CALCRL: variants seen among roughly 807,000 people sequenced by gnomAD.
CALCRL encodes calcitonin gene-related peptide type 1 receptor.
Under a neutral mutation model 60.4 loss-of-function variants are expected in CALCRL, and 27 were observed. The ratio of observed to expected loss-of-function variants is 0.45; its 90% CI spans 0.33 to 0.62. CALCRL has a LOEUF of 0.62. Among genes scored for constraint, CALCRL ranks in the 20% least tolerant of loss-of-function variants. The pLI is 0.03. For missense variants in CALCRL, 424 were observed against 540.7 expected (o/e 0.78, Z 2.14); for synonymous variants, 190 against 182.6 (o/e 1.04, Z -0.33).
chr2:187,346,779 T>C (rs905459275), intron 14 of CALCRL, among the ~76,000 whole-genome samples: 2 of 151,762 alleles, frequency 1.3e-5, no homozygotes, highest in African/African-American at 4.8e-5. Flanking sequence ...GAGAAGACAA[T>C]TCGTGACAGG....
intron 8 of CALCRL, among the ~76,000 whole-genome samples, chr2:187,377,604 A>G (rs896969265): frequency 3.3e-5 from 5 of 152,288 alleles, no homozygotes; most frequent in Admixed American, 6.5e-5. Flanking sequence ...AGAAATCCCA[A>G]GACTCTGGGA....
chr2:187,375,115 A>G (rs1008747092), intron 8 of CALCRL, among the ~76,000 whole-genome samples: 1 of 151,352 alleles, frequency 6.6e-6, no homozygotes. Flanking sequence ...TACTAAAAAT[A>G]CAAAAAATTA....
chr2:187,446,702 CAT>C (rs1367987622), intron 1 of CALCRL, among the ~76,000 whole-genome samples: 17 of 151,754 alleles, frequency 1.1e-4, no homozygotes, highest in Non-Finnish European at 2.1e-4. Flanking sequence ...CATTTCTACA[CAT>C]GTGTCAGGGA....
intron 8 of CALCRL, among the ~76,000 whole-genome samples, chr2:187,376,144 A>G (rs547089692): frequency 1.3e-5 from 2 of 152,284 alleles, no homozygotes; most frequent in East Asian, 1.9e-4. Flanking sequence ...CCTCAGGTCT[A>G]GCTATGAACC....
chr2:187,385,759 T>C, intron 3 of CALCRL, 128 bp from the exon 4 acceptor site: 1 of 618,888 alleles, frequency 1.6e-6, no homozygotes, highest in South Asian at 2.2e-5. Flanking sequence ...ATTTGATAAA[T>C]CATTTTTTTT....
intron 7 of CALCRL, among the ~76,000 whole-genome samples, chr2:187,380,192 G>A (rs1687928110): frequency 6.6e-6 from 1 of 152,016 alleles, no homozygotes; most frequent in Non-Finnish European, 1.5e-5. Flanking sequence ...CACTTTTAAG[G>A]TATGTTTTCT....
chr2:187,437,103 C>G (rs75410876), intron 1 of CALCRL, among the ~76,000 whole-genome samples: 3,280 of 152,216 alleles, frequency 0.022, 47 homozygotes, highest in Admixed American at 0.03. Flanking sequence ...GGTCAATCTC[C>G]CAAGCCTTCA....
intron 1 of CALCRL, among the ~76,000 whole-genome samples, chr2:187,438,969 A>G (rs1169742854): frequency 6.6e-6 from 1 of 152,236 alleles, no homozygotes; most frequent in Non-Finnish European, 1.5e-5. Flanking sequence ...CTCTTGAATA[A>G]TATATAAACT....
intron 10 of CALCRL, 122 bp from the exon 11 acceptor site, chr2:187,359,394 T>A: frequency 1.6e-6 from 1 of 633,436 alleles, no homozygotes; most frequent in East Asian, 2.8e-5. Flanking sequence ...AGCCACTATA[T>A]ATTTGTTGAA....
At chr2:187,390,948 C>G (rs1007381850) in intron 1 of CALCRL, among the ~76,000 whole-genome samples, 2 of 152,108 alleles carry the variant, frequency 1.3e-5, no homozygotes, top group African/African-American at 4.8e-5. Flanking sequence ...TTGCAAAGGA[C>G]CTATCAAAGT....
chr2:187,424,708 G>T (rs1421193941), intron 1 of CALCRL, among the ~76,000 whole-genome samples: 1 of 151,894 alleles, frequency 6.6e-6, no homozygotes, highest in Admixed American at 6.6e-5. Context: ...AGGAGAAATG[G>T]CAGATTTGAA....
At chr2:187,423,857 CT>C (rs1379702015) in intron 1 of CALCRL, among the ~76,000 whole-genome samples, 1 of 151,898 alleles carries the variant, frequency 6.6e-6, no homozygotes, top group African/African-American at 2.4e-5. Context: ...CAAGTTTACC[CT>C]GTGTGATACA....
At chr2:187,388,063 A>G (rs1688280338) in intron 1 of CALCRL, among the ~76,000 whole-genome samples, 1 of 151,994 alleles carries the variant, frequency 6.6e-6, no homozygotes, top group Non-Finnish European at 1.5e-5. Flanking sequence ...CACTTGAAAA[A>G]TTGTTGATTT....
chr2:187,411,926 G>A (rs1158347684), intron 1 of CALCRL, among the ~76,000 whole-genome samples: 2 of 149,154 alleles, frequency 1.3e-5, no homozygotes, highest in African/African-American at 2.5e-5. Context: ...AACCTGGGAG[G>A]CGGAGCTTGC....
At chr2:187,355,657 C>T (rs16828917) in intron 12 of CALCRL, among the ~76,000 whole-genome samples, 6,328 of 151,764 alleles carry the variant, frequency 0.042, 284 homozygotes, top group East Asian at 0.18. Context: ...ATATAAATAA[C>T]TTGATCGCAG....
At chr2:187,361,680 T>A (rs1412575141) in intron 9 of CALCRL, among the ~76,000 whole-genome samples, 1 of 151,926 alleles carries the variant, frequency 6.6e-6, no homozygotes, top group Non-Finnish European at 1.5e-5. Flanking sequence ...TTTATTTAAT[T>A]CTTAACGGTA....
intron 1 of CALCRL, among the ~76,000 whole-genome samples, chr2:187,447,399 A>G (rs1373903602): frequency 4.6e-5 from 7 of 151,780 alleles, no homozygotes; most frequent in African/African-American, 1.5e-4. Flanking sequence ...AGCCGACACC[A>G]TGATCCAAAT....
chr2:187,355,424 A>G (rs1239895635), intron 12 of CALCRL, among the ~76,000 whole-genome samples: 1 of 152,150 alleles, frequency 6.6e-6, no homozygotes, highest in Non-Finnish European at 1.5e-5. Flanking sequence ...ATTAAGGTAT[A>G]TCAAAAAATG....
intron 3 of CALCRL, among the ~76,000 whole-genome samples, chr2:187,386,787 C>A (rs547072598): frequency 3.3e-5 from 5 of 152,066 alleles, no homozygotes; most frequent in Non-Finnish European, 7.3e-5. Flanking sequence ...GGGAGGGACC[C>A]AGTGGGAGAT....
Sources: allele counts gnomAD v4.1 joint callset (sites outside exome capture counted in the v4.1 genomes callset), GRCh38; gene constraint gnomAD v4.1.1; transcripts MANE v1.5; gene names NCBI Gene and HGNC (gene_info 2026-07-23, HGNC 2026-07-21).